The following VPS37A variants were observed in gnomAD, a reference collection of about 807,000 sequenced individuals.
VPS37A encodes vacuolar protein sorting-associated protein 37A.
VPS37A carries 30 observed loss-of-function variants against 49.8 expected under a neutral mutation model. The observed-to-expected ratio is 0.60, with a 90% CI of 0.45 to 0.82. VPS37A has a LOEUF of 0.82. Among genes scored for constraint, VPS37A ranks in the 40% least tolerant of loss-of-function variants. VPS37A has a pLI of 0.00. For missense variants in VPS37A, 593 were observed against 464.4 expected, an observed-to-expected ratio of 1.28 and a Z score of -2.55; for synonymous variants, 195 against 160.6, an observed-to-expected ratio of 1.21 and a Z score of -1.62.
intron 1 of VPS37A, among the ~76,000 whole-genome samples, chr8:17,256,911 C>T (rs1002919060): frequency 3.9e-5 from 6 of 152,138 alleles, no homozygotes; most frequent in African/African-American, 1.4e-4. Flanking sequence ...CTTGGCCTCA[C>T]TGTGTAGGTT....
At chr8:17,311,887 TA>T in the VPS37A span, 2 of 469,038 alleles carry the variant, frequency 4.3e-6, no homozygotes, top group East Asian at 7.3e-5. Context: ...CGCATGTACT[TA>T]CTAAACATAA....
intron 1 of VPS37A, among the ~76,000 whole-genome samples, chr8:17,249,419 A>G (rs1811765929): frequency 1.3e-5 from 2 of 152,240 alleles, no homozygotes; most frequent in Non-Finnish European, 2.9e-5. Flanking sequence ...TAGATAATGT[A>G]ATTTATTTTG....
chr8:17,263,687 A>T (rs1249524761), intron 1 of VPS37A, among the ~76,000 whole-genome samples: 1 of 152,224 alleles, frequency 6.6e-6, no homozygotes, highest in Non-Finnish European at 1.5e-5. Context: ...AAAACTGAGG[A>T]GTTAAAACTT....
At chr8:17,278,243 C>T (rs1446849581) in intron 6 of VPS37A, among the ~76,000 whole-genome samples, 1 of 151,964 alleles carries the variant, frequency 6.6e-6, no homozygotes, top group Non-Finnish European at 1.5e-5. Flanking sequence ...TTTTTAGTGA[C>T]ATTAAGATTA....
At chr8:17,247,589 A>G (rs1811399908) in intron 1 of VPS37A, 2 of 726,408 alleles carry the variant, frequency 2.8e-6, no homozygotes, top group Admixed American at 2.0e-5. Flanking sequence ...CAGCGCTTCT[A>G]ACTCGGATTT....
chr8:17,306,336 G>A (rs1353849225), downstream of VPS37A, among the ~76,000 whole-genome samples: 1 of 151,722 alleles, frequency 6.6e-6, no homozygotes, highest in East Asian at 1.9e-4. Flanking sequence ...CAACTTTAAG[G>A]CTCTTCATTT....
chr8:17,310,393 A>G, the VPS37A span, among the ~76,000 whole-genome samples: 3 of 152,178 alleles, frequency 2.0e-5, no homozygotes, highest in Admixed American at 6.5e-5. Context: ...CTTACAAAGA[A>G]ATATGAACTA....
intron 11 of VPS37A, among the ~76,000 whole-genome samples, chr8:17,287,659 C>A (rs1815735613): frequency 6.6e-6 from 1 of 151,408 alleles, no homozygotes; most frequent in Admixed American, 6.6e-5. Context: ...ACCTGGGTGA[C>A]AGAGCAAGAC....
chr8:17,282,081 T>A (rs1815111118), intron 9 of VPS37A, among the ~76,000 whole-genome samples: 1 of 151,970 alleles, frequency 6.6e-6, no homozygotes, highest in African/African-American at 2.4e-5. Flanking sequence ...AGATGGGTAG[T>A]CAGGAAGAGC....
chr8:17,284,366 AG>A, intron 9 of VPS37A, 106 bp from the exon 10 acceptor site: 4 of 1,300,898 alleles, frequency 3.1e-6, no homozygotes, highest in Non-Finnish European at 4.1e-6. Flanking sequence ...GAGGCTATAT[AG>A]GGCATATAAT....
intron 6 of VPS37A, 88 bp downstream of exon 6, chr8:17,276,555 G>C (rs543965559): frequency 1.9e-5 from 25 of 1,337,456 alleles, no homozygotes; most frequent in South Asian, 2.9e-5. Flanking sequence ...ATAAATTAAA[G>C]TTTAAAATTT....
At chr8:17,248,603 A>T (rs532248638) in intron 1 of VPS37A, among the ~76,000 whole-genome samples, 3 of 152,186 alleles carry the variant, frequency 2.0e-5, no homozygotes, top group African/African-American at 7.2e-5. Flanking sequence ...TATTATTTTC[A>T]TACAGTTAAA....
the VPS37A span, among the ~76,000 whole-genome samples, chr8:17,330,165 C>T: frequency 6.6e-6 from 1 of 152,208 alleles, no homozygotes; most frequent in African/African-American, 2.4e-5. Flanking sequence ...CCAACCCCAA[C>T]GTTAGGGTGT....
At chr8:17,293,829 G>C (rs1586091240) in intron 11 of VPS37A, among the ~76,000 whole-genome samples, 1 of 152,144 alleles carries the variant, frequency 6.6e-6, no homozygotes, top group African/African-American at 2.4e-5. Flanking sequence ...TGGAAGCTTT[G>C]TCCCAGAGGG....
intron 1 of VPS37A, chr8:17,248,261 CTTTTTTT>C (rs77478205): frequency 1.3e-4 from 53 of 397,016 alleles, no homozygotes; most frequent in Middle Eastern, 8.4e-4. Flanking sequence ...TCCCTAACCC[CTTTTTTT>C]TTTTTTTTTT....
the VPS37A span, among the ~76,000 whole-genome samples, chr8:17,324,701 A>T: frequency 3.9e-5 from 6 of 152,226 alleles, no homozygotes; most frequent in Admixed American, 3.9e-4. Flanking sequence ...TAGGCCATAC[A>T]AACTGCTATT....
chr8:17,324,672 C>G, the VPS37A span, among the ~76,000 whole-genome samples: 2 of 152,354 alleles, frequency 1.3e-5, no homozygotes, highest in East Asian at 1.9e-4. Flanking sequence ...GGCTGCTGGT[C>G]TAGCAGAACA....
intron 1 of VPS37A, among the ~76,000 whole-genome samples, chr8:17,248,704 C>T (rs1405556285): frequency 6.6e-6 from 1 of 152,110 alleles, no homozygotes; most frequent in Non-Finnish European, 1.5e-5. Context: ...AAATTTACTG[C>T]AAAATCAGTT....
intron 11 of VPS37A, 63 bp downstream of exon 11, chr8:17,286,490 T>C (rs1815602495): frequency 7.1e-7 from 1 of 1,412,652 alleles, no homozygotes; most frequent in African/African-American, 1.4e-5. Context: ...AATAGACATG[T>C]TGTTAACGGT....
Sources: gnomAD v4.1 joint callset for allele counts (sites outside exome capture counted in the v4.1 genomes callset) on GRCh38, gnomAD v4.1.1 for gene constraint, MANE v1.5 for transcripts, NCBI Gene and HGNC (gene_info 2026-07-23, HGNC 2026-07-21) for gene names.